FAM193A: variants seen among roughly 807,000 people sequenced by gnomAD.
FAM193A encodes the protein family with sequence similarity 193 member A.
FAM193A carries 22 observed loss-of-function variants against 126.5 expected under a neutral mutation model. The ratio of observed to expected loss-of-function variants is 0.17; its 90% CI spans 0.12 to 0.25. The LOEUF is 0.25. FAM193A is among the 10% of genes least tolerant of loss of function. The probability of loss-of-function intolerance (pLI) is 1.00; values close to 1 mark genes in which losing one functional copy is unlikely to be tolerated. For synonymous variants in FAM193A, 761 were observed against 646.8 expected, an observed-to-expected ratio of 1.18 and a Z score of -2.68; for missense variants, 1,675 against 1,672.8, an observed-to-expected ratio of 1.00 and a Z score of -0.02.
intron 5 of FAM193A, among the ~76,000 whole-genome samples, chr4:2,634,182 G>A (rs1222570704): frequency 6.6e-6 from 1 of 152,212 alleles, no homozygotes; most frequent in South Asian, 2.1e-4. Context: ...TGGCCTTGGG[G>A]TGGAGATGCA....
intron 13 of FAM193A, among the ~76,000 whole-genome samples, chr4:2,685,123 G>A (rs1260726690): frequency 6.6e-6 from 1 of 152,194 alleles, no homozygotes; most frequent in African/African-American, 2.4e-5. Flanking sequence ...ATGTCTCTAA[G>A]TCTCCACTGA....
chr4:2,614,637 T>A (rs1003106480), intron 2 of FAM193A, among the ~76,000 whole-genome samples: 3 of 152,230 alleles, frequency 2.0e-5, no homozygotes, highest in Admixed American at 6.5e-5. Flanking sequence ...AGCTAGGATG[T>A]ATTTTCTCTT....
Position 2,660,039 on chromosome 4 carries a change from G to T in FAM193A, c.1730G>T (p.Gly577Val). 1 of 1,613,776 alleles carries T rather than the reference G, an allele frequency of 6.2e-7. No individual in the cohort carries two copies. The highest frequency in any genetic ancestry group is 8.5e-7 in the Non-Finnish European group (1 of 1,179,742). ...QHPRLILTDS[G>V]SAPTFCSDDE... ...CCCAGGCTCATCCTCACAGACAGTG[G>T]CTCGGCACCAACTTTGTAAGTTGTG... Residue 577 changes from glycine to valine, a missense_variant, in exon 10 of 21, where the codon GGC becomes GTC. Coordinates refer to ENST00000637812, the MANE Select transcript of FAM193A (RefSeq NM_001366318.2).
At chr4:2,601,642 T>A (rs1411497132) in intron 2 of FAM193A, among the ~76,000 whole-genome samples, 1 of 151,720 alleles carries the variant, frequency 6.6e-6, no homozygotes, top group African/African-American at 2.4e-5. Context: ...GTAACCGTAG[T>A]CTTTGGGAGG....
chr4:2,559,350 C>T (rs888750552), intron 1 of FAM193A, among the ~76,000 whole-genome samples: 3 of 152,186 alleles, frequency 2.0e-5, no homozygotes, highest in Non-Finnish European at 4.4e-5. Context: ...TCGGTGTCCC[C>T]TCACATACCT....
At chr4:2,588,142 C>T (rs1201144051) in intron 1 of FAM193A, among the ~76,000 whole-genome samples, 2 of 152,180 alleles carry the variant, frequency 1.3e-5, no homozygotes, top group African/African-American at 4.8e-5. Flanking sequence ...GAGTCCATGT[C>T]CCTGTTCTTC....
intron 1 of FAM193A, among the ~76,000 whole-genome samples, chr4:2,553,706 G>C (rs1407497318): frequency 3.3e-5 from 5 of 152,016 alleles, no homozygotes; most frequent in Non-Finnish European, 5.9e-5. Context: ...GGTATGGTTT[G>C]GCTATGTTCC....
At chr4:2,588,033 G>A (rs1740331017) in intron 1 of FAM193A, among the ~76,000 whole-genome samples, 1 of 152,206 alleles carries the variant, frequency 6.6e-6, no homozygotes, top group Admixed American at 6.5e-5. Context: ...TGTGGGAGCT[G>A]TGAAAACTAC....
chr4:2,558,781 A>G (rs773443849), intron 1 of FAM193A, among the ~76,000 whole-genome samples: 8 of 152,208 alleles, frequency 5.3e-5, no homozygotes, highest in Non-Finnish European at 1.2e-4. Context: ...TGGACAGATC[A>G]CTTGAGGGCA....
intron 13 of FAM193A, among the ~76,000 whole-genome samples, chr4:2,679,914 C>T (rs2109206894): frequency 6.6e-6 from 1 of 151,600 alleles, no homozygotes; most frequent in South Asian, 2.1e-4. Flanking sequence ...GGCTGGAATG[C>T]AGTGGCACAA....
At position 2,631,301 on chromosome 4, in the gene FAM193A, C is replaced by T. The variant is rs1294053127; in HGVS notation, c.1038+132C>T. 2.7e-5 allele frequency: 20 copies of T among 752,288 alleles called. No individual in the cohort carries two copies. The South Asian group carries it at 3.2e-4, about 12-fold the overall frequency. The allele number at this position is 752,288 out of a possible 1,614,324, so 46.6% of individuals were successfully genotyped here. A position where few individuals can be genotyped will look rare whatever the true frequency, so the allele number is the denominator to read the frequency against. On this transcript the variant is annotated intron_variant, in intron 5 of 20. Coordinates refer to ENST00000637812, the MANE Select transcript of FAM193A (RefSeq NM_001366318.2). ...ACACACTGTGATAGGCCCCTCTTCT[C>T]TACGGGAGAGGACCTGTTTCCTCTC...
chr4:2,716,403 C>T (rs1056564477), intron 20 of FAM193A, among the ~76,000 whole-genome samples: 1 of 149,020 alleles, frequency 6.7e-6, no homozygotes, highest in Non-Finnish European at 1.5e-5. Flanking sequence ...GAGGCGGTGG[C>T]TCTCCAGGTG....
At chr4:2,551,243 G>A (rs922255747) in intron 1 of FAM193A, among the ~76,000 whole-genome samples, 1 of 152,170 alleles carries the variant, frequency 6.6e-6, no homozygotes, top group Non-Finnish European at 1.5e-5. Flanking sequence ...TATCTCAAAT[G>A]TTTGGAACCA....
chr4:2,600,471 A>C lies in FAM193A; in HGVS notation c.501+4142A>C, dbSNP rs181935003. Among the ~76,000 whole-genome samples, 4 of 152,258 alleles carry C rather than the reference A, an allele frequency of 2.6e-5. No homozygotes were observed. The East Asian group carries it at 5.8e-4, about 22-fold the overall frequency. Reference sequence around the variant, plus strand: ...ATAACTTCATGACTGCAAACCATGCATGGGCATCTAGTGCGTTTTTCTGGC... The same window carrying C: ...ATAACTTCATGACTGCAAACCATGCCTGGGCATCTAGTGCGTTTTTCTGGC... On this transcript the variant is annotated intron_variant, in intron 2 of 20. Transcript: ENST00000637812.
chr4:2,675,832 T>C (rs912000469), intron 13 of FAM193A, among the ~76,000 whole-genome samples: 2 of 152,224 alleles, frequency 1.3e-5, no homozygotes, highest in African/African-American at 4.8e-5. Context: ...ATTATTCTAC[T>C]TTGTCTCTGT....
In FAM193A at chr4:2,731,894, G is replaced by A. The variant is rs754491443; in HGVS notation, c.*26G>A. ...ATGAGGACTCCCTGGAGAGGGACAC[G>A]CGAGAGGCAGGCCAGGCTGCACCAC... On this transcript the variant is annotated 3_prime_UTR_variant, in exon 21 of 21. Coordinates refer to ENST00000637812, the MANE Select transcript of FAM193A (RefSeq NM_001366318.2). 1.4e-5 allele frequency: 22 copies of A among 1,551,686 alleles called. No individual in the cohort carries two copies. The South Asian group carries it at 1.8e-4, about 13-fold the overall frequency.
intron 1 of FAM193A, among the ~76,000 whole-genome samples, chr4:2,577,119 G>A (rs752353304): frequency 5.9e-5 from 9 of 151,918 alleles, no homozygotes; most frequent in Non-Finnish European, 7.4e-5. Context: ...TATGGGGTCC[G>A]TGTAATATTT....
intron 5 of FAM193A, among the ~76,000 whole-genome samples, chr4:2,636,113 G>A (rs983264109): frequency 2.0e-5 from 3 of 150,406 alleles, no homozygotes; most frequent in Admixed American, 6.6e-5. Flanking sequence ...GCTCTGTCTC[G>A]CTGTGTCCCT....
At chr4:2,602,714 G>T (rs909617492) in intron 2 of FAM193A, among the ~76,000 whole-genome samples, 1 of 151,930 alleles carries the variant, frequency 6.6e-6, no homozygotes, top group Non-Finnish European at 1.5e-5. Context: ...AGGCTGGAGT[G>T]CAGTGGCGCG....
Sources: gnomAD v4.1 joint callset for allele counts (sites outside exome capture counted in the v4.1 genomes callset) on GRCh38, gnomAD v4.1.1 for gene constraint, MANE v1.5 for transcripts, NCBI Gene and HGNC (gene_info 2026-07-23, HGNC 2026-07-21) for gene names.